The following ASPM variants were observed in gnomAD, a reference collection of about 807,000 sequenced individuals.
ASPM encodes assembly factor for spindle microtubules, also known as abnormal spindle-like microcephaly-associated protein.
In ASPM, 256 loss-of-function variants were observed where a neutral mutation model predicts 366.4. The observed-to-expected ratio is 0.70, with a 90% confidence interval of 0.63 to 0.77. ASPM has a LOEUF of 0.77. Ranked by LOEUF, ASPM falls within the 30% of genes least tolerant of loss-of-function variation. The pLI, the probability that ASPM is intolerant of heterozygous loss-of-function variation, is 0.00. For missense variants in ASPM, 4,146 were observed against 4,090.4 expected, an observed-to-expected ratio of 1.01 and a Z score of -0.37; for synonymous variants, 1,414 against 1,342.9, an observed-to-expected ratio of 1.05 and a Z score of -1.16.
Position 197,146,401 on chromosome 1 carries a change from C to A in ASPM, c.37G>T (p.Val13Leu). 4.3e-6 allele frequency: 7 copies of A among 1,609,916 alleles called. No homozygotes were observed. Among genetic ancestry groups the A allele is most frequent in the Non-Finnish European group, 5.9e-6 (7 of 1,179,530 alleles). The change falls in exon 1 of 28, where the codon GTG (valine) becomes TTG (leucine). Residue 13 changes from valine (V) to leucine (L), a missense_variant. Physicochemically the swap from Val to Leu is conservative, Grantham distance 32. Coordinates refer to ENST00000367409, the MANE Select transcript of ASPM (RefSeq NM_018136.5). ...NRRVGRGCWEVSPTERRPPAG... is the reference protein window; with the variant it reads ...NRRVGRGCWELSPTERRPPAG... ...GGCGGCCTCCGCTCGGTCGGGCTCA[C>A]TTCCCAGCAGCCTCGCCCCACTCGC... is the stretch of plus-strand genomic sequence containing the variant.
intron 5 of ASPM, among the ~76,000 whole-genome samples, 169 bp downstream of exon 5, chr1:197,134,927 A>G (rs559701306): frequency 6.6e-6 from 1 of 152,360 alleles, no homozygotes; most frequent in Non-Finnish European, 1.5e-5. Context: ...ATGTACATAT[A>G]TAAATTTATG....
intron 27 of ASPM, 71 bp downstream of exon 27, chr1:197,086,732 G>C: frequency 7.8e-7 from 1 of 1,279,958 alleles, no homozygotes; most frequent in Non-Finnish European, 1.1e-6. Flanking sequence ...TATGGTAAGT[G>C]CTCAATAAAT....
Position 197,133,569 on chromosome 1 carries a change from T to C in ASPM, c.2200A>G (p.Ile734Val), listed in dbSNP as rs765534901. 1.2e-6 allele frequency: 2 copies of C among 1,613,500 alleles called. No individual in the cohort carries two copies. Among genetic ancestry groups the C allele is most frequent in the South Asian group, 2.2e-5 (2 of 91,050 alleles). ...EVNAATLLLG[I>V]ENQHKISVPR... Reference sequence around the variant, plus strand: ...ACACTTATTTTATGTTGATTCTCTATTCCCAAAAGAAGAGTAGCAGCATTT... The same window carrying C: ...ACACTTATTTTATGTTGATTCTCTACTCCCAAAAGAAGAGTAGCAGCATTT... Residue 734 changes from isoleucine to valine, a missense_variant, in exon 6 of 28, where the codon ATA (isoleucine) becomes GTA (valine). Ile to Val is a conservative substitution (Grantham distance 29). Transcript: ENST00000367409.
At position 197,122,602 on chromosome 1, in the gene ASPM, G is replaced by A. The variant is rs1657947086; in HGVS notation, c.3391-7C>T. 6.3e-7 allele frequency: 1 copy of A among 1,586,316 alleles called. No homozygotes were observed. Among genetic ancestry groups the A allele is most frequent in the Non-Finnish European group, 8.6e-7 (1 of 1,163,398 alleles). On this transcript the variant is annotated splice_region_variant and splice_polypyrimidine_tract_variant and intron_variant, in intron 13 of 27. Transcript: ENST00000367409. Reference sequence around the variant, plus strand: ...ACACTGTAAAATTCTCCACCTGATTGAAAATGCCAGAAAAACAATTAACCG... The same window carrying A: ...ACACTGTAAAATTCTCCACCTGATTAAAAATGCCAGAAAAACAATTAACCG...
In ASPM at chr1:197,096,176, A is replaced by C; in HGVS notation, c.8821-12T>G. ...CTCCTCCACATAGCCTATTAAATAC[A>C]TAAATATAACAAGTATGCAATGAGT... On this transcript the variant is annotated splice_polypyrimidine_tract_variant and intron_variant, in intron 18 of 27. Coordinates refer to ENST00000367409, the MANE Select transcript of ASPM (RefSeq NM_018136.5). 2 of 1,576,782 alleles carry C rather than the reference A, an allele frequency of 1.3e-6. No homozygotes were observed. Among genetic ancestry groups the C allele is most frequent in the Non-Finnish European group, 1.7e-6 (2 of 1,149,724 alleles).
chr1:197,094,235 T>C, intron 19 of ASPM, 55 bp from the exon 20 acceptor site: 2 of 1,012,226 alleles, frequency 2.0e-6, no homozygotes, highest in South Asian at 1.4e-5. Flanking sequence ...ATTCAATGAG[T>C]ATTTATTGCC....
At chr1:197,126,676 T>G (rs1256422645) in intron 10 of ASPM, among the ~76,000 whole-genome samples, 1 of 152,154 alleles carries the variant, frequency 6.6e-6, no homozygotes, top group Non-Finnish European at 1.5e-5. Flanking sequence ...ACTGCTAAAG[T>G]GAGACAAAGC....
chr1:197,091,538 G>A (rs1262950145), intron 22 of ASPM, among the ~76,000 whole-genome samples: 1 of 151,934 alleles, frequency 6.6e-6, no homozygotes, highest in Admixed American at 6.6e-5. Flanking sequence ...TATAATTTCA[G>A]AATCATTAGC....
At chr1:197,131,479 T>A (rs991518367) in intron 7 of ASPM, among the ~76,000 whole-genome samples, 38 of 152,150 alleles carry the variant, frequency 2.5e-4, no homozygotes, top group African/African-American at 7.7e-4. Context: ...CAAATCCTGA[T>A]GACATTTTTA....
chr1:197,133,777 A>G (rs557556210), intron 5 of ASPM, among the ~76,000 whole-genome samples, 182 bp from the exon 6 acceptor site: 1 of 152,270 alleles, frequency 6.6e-6, no homozygotes, highest in East Asian at 1.9e-4. Flanking sequence ...AATGTATTCC[A>G]AGTCTAGCCA....
At chr1:197,105,999 G>A (rs1363830586) in intron 17 of ASPM, among the ~76,000 whole-genome samples, 1 of 151,990 alleles carries the variant, frequency 6.6e-6, no homozygotes, top group African/African-American at 2.4e-5. Context: ...TGCTGAGATT[G>A]GGGGTGGCAT....
intron 26 of ASPM, among the ~76,000 whole-genome samples, chr1:197,087,235 C>T (rs1011832654): frequency 3.0e-4 from 46 of 152,058 alleles, no homozygotes; most frequent in East Asian, 2.1e-3. Flanking sequence ...CCACCACACC[C>T]GGCTAATTTT....
chr1:197,089,794 T>C (rs893711823), intron 25 of ASPM, 136 bp downstream of exon 25: 5 of 799,928 alleles, frequency 6.3e-6, no homozygotes, highest in Non-Finnish European at 4.0e-6. Context: ...AATAAACATT[T>C]TTTCATCCTA....
intron 17 of ASPM, among the ~76,000 whole-genome samples, chr1:197,112,637 T>C (rs935522101): frequency 2.6e-5 from 4 of 152,100 alleles, no homozygotes; most frequent in Admixed American, 6.6e-5. Flanking sequence ...GAAAGGCTAA[T>C]CAGAAATTTG....
chr1:197,101,324 G>T lies in ASPM; in HGVS notation c.7927C>A (p.His2643Asn), dbSNP rs1279276998. The T allele has an allele frequency of 3.7e-6, 6 of 1,611,222 alleles. No individual in the cohort carries two copies. The African/African-American group carries it at 4.0e-5, about 11-fold the overall frequency. ...ACTGTTGCTCTAAGGTGGAGATAAT[G>T]CTTCCTTATTTTAAAGGCTTTACAA... Reference protein sequence around the residue: ...KHCKAFKIRKHYLHLRATVVS... With the variant: ...KHCKAFKIRKNYLHLRATVVS... The change falls in exon 18 of 28, where the codon CAT (histidine) becomes AAT (asparagine). Residue 2643 changes from histidine (H) to asparagine (N), a missense_variant. His to Asn is a moderately conservative substitution (Grantham distance 68, BLOSUM62 1). This residue lies in a region of ASPM where 3,624 missense variants were observed against 3,591.7 expected (regional missense o/e 1.01). Transcript: ENST00000367409.
Position 197,084,138 on chromosome 1 carries a change from CAT to C in ASPM, c.*184_*185del, listed in dbSNP as rs1558319519. The C allele has an allele frequency of 1.0e-5, 6 of 591,726 alleles. 1 individual carries two copies. The highest frequency in any genetic ancestry group is 8.5e-5 in the South Asian group (4 of 46,902). 36.7% of individuals were successfully genotyped at this position (591,726 alleles called of 1,614,324 possible). A position where few individuals can be genotyped will look rare whatever the true frequency, so the allele number is the denominator to read the frequency against. The stretch of plus-strand genomic sequence containing the variant: ...CAGGAATAATATAATCATCTTATGA[CAT>C]ATTAGTTTATTACATGCATAAAACT... On this transcript the variant is annotated 3_prime_UTR_variant, in exon 28 of 28. Transcript: ENST00000367409.
chr1:197,096,203 G>T, intron 18 of ASPM, 39 bp from the exon 19 acceptor site: 1 of 1,513,524 alleles, frequency 6.6e-7, no homozygotes. Context: ...GCAATGAGTT[G>T]TCTCTTTTTT....
At chr1:197,088,766 A>T (rs1235477050) in intron 25 of ASPM, among the ~76,000 whole-genome samples, 1 of 152,086 alleles carries the variant, frequency 6.6e-6, no homozygotes, top group Non-Finnish European at 1.5e-5. Flanking sequence ...AGAATCTCTA[A>T]GGAAAAAGAT....
Position 197,086,873 on chromosome 1 carries a change from GC to G in ASPM, c.10260del (p.Lys3420AsnfsTer8). ...ATGCTTATAGAAGAATTCTTCTTTT[GC>G]TTGTAAAGTATTCTTTCAGTATTCA... is the stretch of plus-strand genomic sequence containing the variant. Reference protein sequence around the residue: ...HKMNTERILYKQKKNSSISIP... With the variant: ...HKMNTERILYXQKKNSSISIP... On this transcript the variant is annotated frameshift_variant, in exon 27 of 28. Coordinates refer to ENST00000367409, the MANE Select transcript of ASPM (RefSeq NM_018136.5). LOFTEE classifies it high-confidence loss of function. 1 of 1,611,550 alleles carries G rather than the reference GC, an allele frequency of 6.2e-7. No homozygotes were observed. The highest frequency in any genetic ancestry group is 1.3e-5 in the African/African-American group (1 of 74,956).
Sources: gnomAD v4.1 joint callset for allele counts (sites outside exome capture counted in the v4.1 genomes callset) on GRCh38, gnomAD v4.1.1 for gene constraint, gnomAD v4.1.1 regional missense constraint, MANE v1.5 for transcripts, NCBI Gene and HGNC (gene_info 2026-07-23, HGNC 2026-07-21) for gene names.